Variants in ZCCHC24 observed in about 807,000 individuals in gnomAD.
ZCCHC24 encodes zinc finger CCHC domain-containing protein 24.
Under a neutral mutation model 26.2 loss-of-function variants are expected in ZCCHC24, and 10 were observed. The observed-to-expected ratio is 0.38, with a 90% CI of 0.24 to 0.65. The LOEUF (loss-of-function observed/expected upper bound fraction) is 0.65, where lower values mean the gene tolerates loss of function less well. Ranked by LOEUF, ZCCHC24 falls within the 30% of genes least tolerant of loss-of-function variation. The probability of loss-of-function intolerance (pLI) is 0.54; values close to 1 mark genes in which losing one functional copy is unlikely to be tolerated. For synonymous variants in ZCCHC24, 144 were observed against 147.1 expected (o/e 0.98, Z 0.15); for missense variants, 243 against 329.1 (o/e 0.74, Z 2.03).
chr10:79,420,336 C>G (rs953190552), intron 2 of ZCCHC24, among the ~76,000 whole-genome samples: 1 of 152,152 alleles, frequency 6.6e-6, no homozygotes, highest in African/African-American at 2.4e-5. Flanking sequence ...CTCTCTGCAG[C>G]CCCTCCCAGA....
intron 2 of ZCCHC24, among the ~76,000 whole-genome samples, chr10:79,416,830 C>A (rs1257444782): frequency 1.3e-5 from 2 of 152,152 alleles, no homozygotes; most frequent in Non-Finnish European, 2.9e-5. Context: ...GTGTCCAGCA[C>A]AAGGGCCATG....
intron 2 of ZCCHC24, among the ~76,000 whole-genome samples, chr10:79,404,776 G>A (rs1856687685): frequency 6.6e-6 from 1 of 152,204 alleles, no homozygotes; most frequent in South Asian, 2.1e-4. Context: ...GCAGAGCTGA[G>A]ATGAAACATG....
intron 2 of ZCCHC24, among the ~76,000 whole-genome samples, chr10:79,421,769 G>C (rs1027182624): frequency 6.6e-6 from 1 of 152,070 alleles, no homozygotes; most frequent in African/African-American, 2.4e-5. Flanking sequence ...TGGGATTATA[G>C]GTGTGCGCCA....
intron 2 of ZCCHC24, among the ~76,000 whole-genome samples, chr10:79,426,197 G>A (rs901498969): frequency 3.9e-5 from 6 of 152,190 alleles, no homozygotes; most frequent in African/African-American, 9.7e-5. Flanking sequence ...CCTGGCTCCC[G>A]TGGCAGTGAA....
intron 2 of ZCCHC24, among the ~76,000 whole-genome samples, chr10:79,405,330 G>A (rs894123807): frequency 6.6e-6 from 1 of 152,236 alleles, no homozygotes; most frequent in Non-Finnish European, 1.5e-5. Flanking sequence ...CACTTCTATG[G>A]TAGCACTAGG....
At chr10:79,432,199 G>A (rs927109849) in intron 2 of ZCCHC24, among the ~76,000 whole-genome samples, 1 of 152,252 alleles carries the variant, frequency 6.6e-6, no homozygotes, top group African/African-American at 2.4e-5. Flanking sequence ...ATGAGATGGG[G>A]CCTCCAGGGA....
chr10:79,428,492 A>ATT (rs112047064), intron 2 of ZCCHC24, among the ~76,000 whole-genome samples: 2 of 134,024 alleles, frequency 1.5e-5, no homozygotes, highest in South Asian at 2.4e-4. Flanking sequence ...TGCAAGATAA[A>ATT]AAGAGCTCTG....
Position 79,386,256 on chromosome 10 carries a change from G to T in ZCCHC24, c.*89C>A. ...GGCCTGCGAGGGCACCCCATGCACA[G>T]GGCGACACGCAGCCCCTCGGAGTAG... On this transcript the variant is annotated 3_prime_UTR_variant, in exon 4 of 4. Coordinates refer to ENST00000372336, the MANE Select transcript of ZCCHC24 (RefSeq NM_153367.4). The T allele has an allele frequency of 1.5e-6, 2 of 1,295,622 alleles. No individual in the cohort carries two copies. Among genetic ancestry groups the T allele is most frequent in the Non-Finnish European group, 2.2e-6 (2 of 912,114 alleles). The allele number at this position is 1,295,622 out of a possible 1,614,324, so 80.3% of individuals were successfully genotyped here. A position where few individuals can be genotyped will look rare whatever the true frequency, so the allele number is the denominator to read the frequency against.
intron 1 of ZCCHC24, among the ~76,000 whole-genome samples, chr10:79,444,823 A>G (rs1857340351): frequency 6.6e-6 from 1 of 152,208 alleles, no homozygotes; most frequent in African/African-American, 2.4e-5. Flanking sequence ...CGTGAGAAGG[A>G]CACTTCGAAG....
intron 3 of ZCCHC24, among the ~76,000 whole-genome samples, chr10:79,392,852 C>T (rs994998015): frequency 6.6e-6 from 1 of 152,224 alleles, no homozygotes; most frequent in Non-Finnish European, 1.5e-5. Context: ...TCAAGTTCCC[C>T]ATGTAAAAGT....
chr10:79,411,049 T>C (rs573789747), intron 2 of ZCCHC24, among the ~76,000 whole-genome samples: 1 of 152,188 alleles, frequency 6.6e-6, no homozygotes, highest in African/African-American at 2.4e-5. Context: ...GACGGTGTCT[T>C]GTGCCGGCAG....
chr10:79,401,631 C>T (rs1444376726), intron 2 of ZCCHC24, among the ~76,000 whole-genome samples: 2 of 152,224 alleles, frequency 1.3e-5, no homozygotes, highest in African/African-American at 4.8e-5. Flanking sequence ...GGGCATCCCT[C>T]CCCATCTCTG....
intron 2 of ZCCHC24, among the ~76,000 whole-genome samples, chr10:79,406,013 CA>C (rs1261751572): frequency 6.6e-6 from 1 of 152,228 alleles, no homozygotes. Flanking sequence ...GAAAGAGAAG[CA>C]AACTTTCCAT....
chr10:79,445,585 T>A lies in ZCCHC24; in HGVS notation c.-145A>T, dbSNP rs906623264. On this transcript the variant is annotated 5_prime_UTR_variant, in exon 1 of 4. Coordinates refer to ENST00000372336, the MANE Select transcript of ZCCHC24 (RefSeq NM_153367.4). ...GCCCCGCGCCCTGCGCCCCGCGCGC[T>A]GCCCGCAGCCGCTGCCGCTGCCGCC... 13 of 659,986 alleles carry A rather than the reference T, an allele frequency of 2.0e-5. No individual in the cohort carries two copies. Among genetic ancestry groups the A allele is most frequent in the Non-Finnish European group, 2.3e-5 (12 of 524,092 alleles). The allele number at this position is 659,986 out of a possible 1,614,324, so 40.9% of individuals were successfully genotyped here.
rs1449335242 is a variant in ZCCHC24 at position 79,382,775 on chromosome 10, C to T, written c.*3570G>A. 6.5e-6 allele frequency: 1 copy of T among 152,798 alleles called. No homozygotes were observed. The highest frequency in any genetic ancestry group is 6.5e-5 in the Admixed American group (1 of 15,288). The allele number at this position is 152,798 out of a possible 1,614,324, so 9.5% of individuals were successfully genotyped here. A position where few individuals can be genotyped will look rare whatever the true frequency, so the allele number is the denominator to read the frequency against. On this transcript the variant is annotated 3_prime_UTR_variant, in exon 4 of 4. Transcript: ENST00000372336. ...AGATGCTGGAGGGCTGGTGTAAGGG[C>T]TCCGGTTGACATTTCCAAGTTCAAG...
chr10:79,412,844 C>T (rs936717237), intron 2 of ZCCHC24, among the ~76,000 whole-genome samples: 6 of 152,184 alleles, frequency 3.9e-5, no homozygotes, highest in African/African-American at 7.2e-5. Context: ...ATAATAAGAT[C>T]GATCAGGCAG....
In ZCCHC24 at chr10:79,386,215, C is replaced by A; in HGVS notation, c.*130G>T. 1 of 777,240 alleles carries A rather than the reference C, an allele frequency of 1.3e-6. No homozygotes were observed. Among genetic ancestry groups the A allele is most frequent in the South Asian group, 1.6e-5 (1 of 63,652 alleles). 48.1% of individuals were successfully genotyped at this position (777,240 alleles called of 1,614,324 possible). ...CACAAGACAAGGACGCTAAGAGCCC[C>A]CGGCCCAGCCCCGCAGGCCTGCGAG... On this transcript the variant is annotated 3_prime_UTR_variant, in exon 4 of 4. Coordinates refer to ENST00000372336, the MANE Select transcript of ZCCHC24 (RefSeq NM_153367.4).
chr10:79,418,908 C>T (rs2132203167), intron 2 of ZCCHC24, among the ~76,000 whole-genome samples: 1 of 152,216 alleles, frequency 6.6e-6, no homozygotes. Flanking sequence ...GAGAGGTGGG[C>T]TCAAGCTGGG....
chr10:79,439,134 CAT>C (rs1448784271), intron 1 of ZCCHC24, among the ~76,000 whole-genome samples: 2 of 152,200 alleles, frequency 1.3e-5, no homozygotes, highest in East Asian at 1.9e-4. Flanking sequence ...CACATGCAAA[CAT>C]GTGTATATGC....
Sources: gnomAD v4.1 joint callset for allele counts (sites outside exome capture counted in the v4.1 genomes callset) on GRCh38, gnomAD v4.1.1 for gene constraint, MANE v1.5 for transcripts, NCBI Gene and HGNC (gene_info 2026-07-23, HGNC 2026-07-21) for gene names.